The following TARBP1 variants were observed in gnomAD, a reference collection of about 807,000 sequenced individuals.
TARBP1 encodes tRNA (guanosine(18)-2'-O)-methyltransferase TARBP1.
In TARBP1, 144 loss-of-function variants were observed where a neutral mutation model predicts 178.6. That is an observed-to-expected ratio of 0.81 (90% CI 0.70 to 0.93). The LOEUF (loss-of-function observed/expected upper bound fraction) is 0.93, where lower values mean the gene tolerates loss of function less well. TARBP1 is among the 40% of genes least tolerant of loss of function. The pLI is 0.00. For missense variants in TARBP1, 2,067 were observed against 2,011.7 expected (o/e 1.03, Z -0.53); for synonymous variants, 787 against 781.0 (o/e 1.01, Z -0.13).
chr1:234,462,809 A>G (rs891211108), intron 6 of TARBP1, among the ~76,000 whole-genome samples: 1 of 152,182 alleles, frequency 6.6e-6, no homozygotes, highest in Admixed American at 6.5e-5. Flanking sequence ...AAGTCATGAT[A>G]TACAGACCAT....
chr1:234,477,960 G>C (rs946658626), intron 1 of TARBP1, among the ~76,000 whole-genome samples: 11 of 152,204 alleles, frequency 7.2e-5, no homozygotes, highest in African/African-American at 2.7e-4. Flanking sequence ...CTCTGGGTTA[G>C]AACGTTCCCA....
chr1:234,413,504 C>T lies in TARBP1; in HGVS notation c.3706-2973G>A, dbSNP rs536091189. Among the ~76,000 whole-genome samples, 31 of 152,166 alleles carry T rather than the reference C, an allele frequency of 2.0e-4. 1 individual carries two copies. The South Asian group carries it at 5.8e-3, about 29-fold the overall frequency. On this transcript the variant is annotated intron_variant, in intron 22 of 29. Transcript: ENST00000040877. ...ACAAAACAAAACACATTGTTTACAC[C>T]GCTAAGCTTTGGAGAGTTCTAGCAA...
intron 12 of TARBP1, among the ~76,000 whole-genome samples, chr1:234,442,063 CA>C (rs35226731): frequency 0.42 from 63,360 of 151,512 alleles, 14,131 homozygotes; most frequent in African/African-American, 0.6. Flanking sequence ...CCAGCAAAGG[CA>C]AAAAAAACTA....
chr1:234,462,191 A>G (rs146566758), intron 6 of TARBP1, among the ~76,000 whole-genome samples: 1 of 152,362 alleles, frequency 6.6e-6, no homozygotes, highest in East Asian at 1.9e-4. Context: ...TCTATTTCAC[A>G]TCGATTCAAC....
chr1:234,477,825 TGATA>T (rs1669707319), intron 1 of TARBP1, among the ~76,000 whole-genome samples: 1 of 152,238 alleles, frequency 6.6e-6, no homozygotes, highest in African/African-American at 2.4e-5. Flanking sequence ...TCTTTCAACT[TGATA>T]GATATCAACC....
chr1:234,444,183 C>G (rs577575645), intron 12 of TARBP1, among the ~76,000 whole-genome samples: 27 of 151,992 alleles, frequency 1.8e-4, no homozygotes, highest in Admixed American at 2.0e-4. Context: ...AAGAAAAGTT[C>G]CAATAGACAA....
rs184150396 is a variant in TARBP1, at chr1:234,460,528, T to C, written c.1400-132A>G. The C allele has an allele frequency of 9.8e-6, 9 of 914,858 alleles. No homozygotes were observed. The East Asian group carries it at 2.4e-4, about 24-fold the overall frequency. The allele number at this position is 914,858 out of a possible 1,614,324, so 56.7% of individuals were successfully genotyped here. ...CACTTCCCACACACTATGATGGCTATAATCTAAAGGACAGACAATACTCAG... is the reference window on the plus strand; with the variant it reads ...CACTTCCCACACACTATGATGGCTACAATCTAAAGGACAGACAATACTCAG... On this transcript the variant is annotated intron_variant, in intron 6 of 29. Coordinates refer to ENST00000040877, the MANE Select transcript of TARBP1 (RefSeq NM_005646.4).
chr1:234,479,160 G>T lies in TARBP1; in HGVS notation c.-57C>A. The T allele has an allele frequency of 1.4e-6, 2 of 1,437,174 alleles. No homozygotes were observed. Among genetic ancestry groups the T allele is most frequent in the Non-Finnish European group, 1.8e-6 (2 of 1,104,898 alleles). The allele number at this position is 1,437,174 out of a possible 1,614,324, so 89.0% of individuals were successfully genotyped here. On this transcript the variant is annotated 5_prime_UTR_variant, in exon 1 of 30. Transcript: ENST00000040877. The stretch of plus-strand genomic sequence containing the variant: ...CCCAAAGGAAGGCGCCGGCGTGTGC[G>T]ATGCGTGCGCACAGGACCGGCCGGC...
chr1:234,408,621 C>G lies in TARBP1; in HGVS notation c.3792+1824G>C, dbSNP rs189647279. 3.9e-5 allele frequency among the ~76,000 whole-genome samples: 6 copies of G among 152,164 alleles called. No individual in the cohort carries two copies. The South Asian group carries it at 6.2e-4, about 16-fold the overall frequency. On this transcript the variant is annotated intron_variant, in intron 23 of 29. Coordinates refer to ENST00000040877, the MANE Select transcript of TARBP1 (RefSeq NM_005646.4). ...ACGGATCAGCTGGCACCACCCAGAT[C>G]GATTAACTGGCTCATCTGATCTCGT...
chr1:234,405,723 C>T (rs1661162813), intron 24 of TARBP1, among the ~76,000 whole-genome samples, 180 bp downstream of exon 24: 1 of 152,154 alleles, frequency 6.6e-6, no homozygotes, highest in Admixed American at 6.5e-5. Flanking sequence ...TGACAATGAA[C>T]TGTAATTAAC....
chr1:234,478,294 C>A lies in TARBP1; in HGVS notation c.810G>T (p.Gln270His). The A allele has an allele frequency of 5.2e-6, 8 of 1,550,688 alleles. No homozygotes were observed. Among genetic ancestry groups the A allele is most frequent in the East Asian group, 2.6e-5 (1 of 38,268 alleles). The change falls in exon 1 of 30, where the codon CAG becomes CAT. Residue 270 changes from glutamine (Q) to histidine (H), a missense_variant. Transcript: ENST00000040877. ...GGGCGTCCGCCTGGCCCAGCCCCGCCTGCACCGTCCTCCAGAAGCGCCAGC... is the reference window on the plus strand; with the variant it reads ...GGGCGTCCGCCTGGCCCAGCCCCGCATGCACCGTCCTCCAGAAGCGCCAGC... ...RRCWRFWRTV[Q>H]AGLGQADALT... is the part of the protein sequence containing the mutation.
chr1:234,451,748 C>CAA (rs766485621), intron 9 of TARBP1, among the ~76,000 whole-genome samples: 3 of 6,616 alleles, frequency 4.5e-4, no homozygotes, highest in Non-Finnish European at 4.4e-4. Context: ...GACTCCGTCT[C>CAA]AAAAAAAAAA....
chr1:234,471,390 A>G, intron 2 of TARBP1, 133 bp from the exon 3 acceptor site: 1 of 640,414 alleles, frequency 1.6e-6, no homozygotes. Flanking sequence ...TGATTTATCC[A>G]GTTTTTCAAA....
chr1:234,394,879 C>T (rs946644164), intron 26 of TARBP1, among the ~76,000 whole-genome samples: 7 of 151,694 alleles, frequency 4.6e-5, no homozygotes, highest in African/African-American at 1.7e-4. Flanking sequence ...CACCTGAGGT[C>T]AGGAGTTTGA....
chr1:234,404,192 C>T lies in TARBP1; in HGVS notation c.3989+1711G>A, dbSNP rs186501173. Among the ~76,000 whole-genome samples, 594 of 152,260 alleles carry T rather than the reference C, an allele frequency of 3.9e-3. 3 individuals are homozygous for T. The highest frequency in any genetic ancestry group is 0.013 in the African/African-American group (532 of 41,546). The stretch of plus-strand genomic sequence containing the variant: ...TCAATACCAAATAATCACTCACCAT[C>T]GAATCACAGAGACAGCTACAAGCTG... On this transcript the variant is annotated intron_variant, in intron 24 of 29. Coordinates refer to ENST00000040877, the MANE Select transcript of TARBP1 (RefSeq NM_005646.4).
At chr1:234,431,522 T>C (rs1442526857) in intron 14 of TARBP1, among the ~76,000 whole-genome samples, 1 of 152,236 alleles carries the variant, frequency 6.6e-6, no homozygotes, top group Non-Finnish European at 1.5e-5. Flanking sequence ...ATCGAGTATC[T>C]TCTTTGTTTT....
chr1:234,465,530 T>C (rs1668342199), intron 5 of TARBP1, 126 bp downstream of exon 5: 7 of 756,426 alleles, frequency 9.3e-6, no homozygotes, highest in African/African-American at 1.8e-5. Context: ...AAGGACCACA[T>C]GATAAGAAAA....
intron 10 of TARBP1, among the ~76,000 whole-genome samples, chr1:234,448,849 T>C (rs1271535549): frequency 6.6e-6 from 1 of 152,170 alleles, no homozygotes; most frequent in Non-Finnish European, 1.5e-5. Flanking sequence ...TCATGGAATT[T>C]AGAGTACAGG....
chr1:234,419,898 C>T (rs1451935300), intron 21 of TARBP1, among the ~76,000 whole-genome samples: 1 of 151,948 alleles, frequency 6.6e-6, no homozygotes, highest in East Asian at 1.9e-4. Flanking sequence ...ATTTCTCTCT[C>T]ACAGATATAA....
Sources: gnomAD v4.1 joint callset for allele counts (sites outside exome capture counted in the v4.1 genomes callset) on GRCh38, gnomAD v4.1.1 for gene constraint, MANE v1.5 for transcripts, NCBI Gene and HGNC (gene_info 2026-07-23, HGNC 2026-07-21) for gene names.